The following CAMK1D variants were observed in gnomAD, a reference collection of about 807,000 sequenced individuals.
CAMK1D encodes the protein calcium/calmodulin dependent protein kinase ID.
Under a neutral mutation model 47.7 loss-of-function variants are expected in CAMK1D, and 9 were observed. The observed-to-expected ratio is 0.19, with a 90% confidence interval of 0.11 to 0.33. The LOEUF (loss-of-function observed/expected upper bound fraction) is 0.33. Among genes scored for constraint, CAMK1D ranks in the 10% least tolerant of loss-of-function variants. CAMK1D has a pLI of 1.00. For missense variants in CAMK1D, 291 were observed against 488.7 expected, an observed-to-expected ratio of 0.60 and a Z score of 3.81; for synonymous variants, 184 against 184.9, an observed-to-expected ratio of 0.99 and a Z score of 0.04.
In CAMK1D at chr10:12,816,318, C is replaced by T. The variant is rs779096797; in HGVS notation, c.823C>T (p.Arg275Trp). The T allele has an allele frequency of 1.3e-4, 213 of 1,612,974 alleles. No homozygotes were observed. Among genetic ancestry groups the T allele is most frequent in the Non-Finnish European group, 1.6e-4 (192 of 1,179,494 alleles). The stretch of plus-strand genomic sequence containing the variant: ...AAGATACACGTGTGAGCAGGCAGCT[C>T]GGCACCCATGGTAAGGAAATGCACC... ...NKRYTCEQAA[R>W]HPWIAGDTAL... is the part of the protein sequence containing the mutation. The change falls in exon 8 of 11, where the codon CGG becomes TGG. Residue 275 changes from arginine (R) to tryptophan (W), a missense_variant. This residue lies in a region of CAMK1D where 219 missense variants were observed against 424.3 expected (regional missense o/e 0.52). Transcript: ENST00000619168.
intron 6 of CAMK1D, among the ~76,000 whole-genome samples, chr10:12,801,395 C>CTATCT (rs1564572319): frequency 4.2e-4 from 30 of 70,804 alleles, no homozygotes; most frequent in African/African-American, 1.3e-3. Context: ...TCTATCTATC[C>CTATCT]ATCCATCTGT....
intron 1 of CAMK1D, among the ~76,000 whole-genome samples, chr10:12,452,065 G>A (rs1833098761): frequency 6.6e-6 from 1 of 152,192 alleles, no homozygotes; most frequent in South Asian, 2.1e-4. Context: ...GGAAGGAGGA[G>A]AGTCTCGTGG....
chr10:12,625,060 G>A (rs1257644496), intron 2 of CAMK1D, among the ~76,000 whole-genome samples: 1 of 151,522 alleles, frequency 6.6e-6, no homozygotes, highest in Non-Finnish European at 1.5e-5. Context: ...TACCTGGCTG[G>A]GCATGGTGGC....
intron 3 of CAMK1D, among the ~76,000 whole-genome samples, chr10:12,716,873 C>A (rs1165226723): frequency 6.6e-6 from 1 of 152,136 alleles, no homozygotes; most frequent in African/African-American, 2.4e-5. Context: ...TGTCGGGACT[C>A]TCTTACTAGA....
At chr10:12,462,160 T>TG (rs200599555) in intron 1 of CAMK1D, among the ~76,000 whole-genome samples, 3 of 17,632 alleles carry the variant, frequency 1.7e-4, no homozygotes, top group Non-Finnish European at 5.4e-4. Flanking sequence ...TGAAGAGTTT[T>TG]TTTTTTTTTT....
At chr10:12,456,351 G>C (rs922276914) in intron 1 of CAMK1D, 1 of 152,224 alleles carries the variant, frequency 6.6e-6, no homozygotes, top group Middle Eastern at 3.4e-3. Context: ...GAGAGGGGCT[G>C]TTTTCTTCCA....
intron 1 of CAMK1D, among the ~76,000 whole-genome samples, chr10:12,461,217 G>A (rs1354403937): frequency 6.6e-5 from 10 of 152,162 alleles, no homozygotes; most frequent in Admixed American, 6.5e-4. Context: ...ATGTAGAAAG[G>A]CACCTGGCCA....
At chr10:12,546,223 G>A (rs1588618291) in intron 1 of CAMK1D, among the ~76,000 whole-genome samples, 1 of 152,156 alleles carries the variant, frequency 6.6e-6, no homozygotes, top group African/African-American at 2.4e-5. Flanking sequence ...GGGGCTACGG[G>A]ACCAGGAAGG....
intron 2 of CAMK1D, among the ~76,000 whole-genome samples, chr10:12,620,470 G>C (rs754492355): frequency 3.9e-5 from 6 of 152,234 alleles, no homozygotes; most frequent in Non-Finnish European, 5.9e-5. Flanking sequence ...TCTCATAGGT[G>C]TGTGGTGGTG....
chr10:12,430,906 C>T (rs1024191918), intron 1 of CAMK1D, among the ~76,000 whole-genome samples: 6 of 152,076 alleles, frequency 3.9e-5, no homozygotes, highest in South Asian at 2.1e-4. Flanking sequence ...TGCACCACCA[C>T]GCCAGGCTAA....
intron 1 of CAMK1D, among the ~76,000 whole-genome samples, chr10:12,545,920 T>C (rs1836354502): frequency 6.6e-6 from 1 of 152,136 alleles, no homozygotes; most frequent in Non-Finnish European, 1.5e-5. Flanking sequence ...GAAAGGCCGC[T>C]GTGTGTTTTG....
At position 12,814,240 on chromosome 10, in the gene CAMK1D, C is replaced by G. The variant is rs538372009; in HGVS notation, c.687C>G (p.Leu229=). The G allele has an allele frequency of 1.4e-5, 23 of 1,614,086 alleles. 1 individual carries two copies. The highest frequency in any genetic ancestry group is 1.1e-4 in the African/African-American group (8 of 75,040). The part of the protein sequence containing the change: ...PPFYDENDSK[L]FEQILKAEYE... ...TTTATGATGAAAATGACTCCAAGCT[C>G]TTTGAGCAGATCCTCAAGGCGGAAT... Residue 229 remains leucine, a synonymous_variant, in exon 7 of 11, where the codon CTC becomes CTG. Transcript: ENST00000619168.
At chr10:12,635,517 G>A (rs1839490691) in intron 2 of CAMK1D, among the ~76,000 whole-genome samples, 1 of 152,116 alleles carries the variant, frequency 6.6e-6, no homozygotes, top group African/African-American at 2.4e-5. Context: ...ACTCTGGTCT[G>A]GGGGAGGGTG....
intron 2 of CAMK1D, among the ~76,000 whole-genome samples, chr10:12,642,855 A>T (rs528170496): frequency 6.6e-6 from 1 of 152,320 alleles, no homozygotes; most frequent in Non-Finnish European, 1.5e-5. Context: ...TTTTCCCAGT[A>T]TACTTGAGAT....
intron 3 of CAMK1D, among the ~76,000 whole-genome samples, chr10:12,699,086 T>G (rs1031270362): frequency 6.6e-6 from 1 of 152,026 alleles, no homozygotes; most frequent in Non-Finnish European, 1.5e-5. Context: ...ATTGCCCTTG[T>G]GTGATGAGAG....
intron 1 of CAMK1D, among the ~76,000 whole-genome samples, chr10:12,433,526 C>T (rs963522602): frequency 6.6e-6 from 1 of 152,036 alleles, no homozygotes; most frequent in Non-Finnish European, 1.5e-5. Flanking sequence ...TCGAGGAAAG[C>T]GGAATCTGGT....
chr10:12,658,797 C>T (rs377590847), intron 2 of CAMK1D, among the ~76,000 whole-genome samples: 20 of 152,262 alleles, frequency 1.3e-4, no homozygotes, highest in Admixed American at 7.2e-4. Context: ...ACTCCATTCC[C>T]CTTCTGGCCT....
At chr10:12,655,041 C>A (rs1291521934) in intron 2 of CAMK1D, among the ~76,000 whole-genome samples, 2 of 152,154 alleles carry the variant, frequency 1.3e-5, no homozygotes, top group Non-Finnish European at 2.9e-5. Context: ...AGCTTGAGAC[C>A]CATTGGATTA....
intron 5 of CAMK1D, among the ~76,000 whole-genome samples, chr10:12,782,738 G>A (rs1837555230): frequency 6.6e-6 from 1 of 152,164 alleles, no homozygotes; most frequent in Admixed American, 6.5e-5. Context: ...GATACCTACT[G>A]GCATTGTTTA....
Sources: allele counts gnomAD v4.1 joint callset (sites outside exome capture counted in the v4.1 genomes callset), GRCh38; gene constraint gnomAD v4.1.1; regional missense constraint gnomAD v4.1.1; transcripts MANE v1.5; gene names NCBI Gene and HGNC (gene_info 2026-07-23, HGNC 2026-07-21).